IL1RAPL2: variants seen among roughly 807,000 people sequenced by gnomAD.
IL1RAPL2 encodes X-linked interleukin-1 receptor accessory protein-like 2.
A neutral mutation model predicts 44.1 loss-of-function variants in IL1RAPL2; 3 were observed. The ratio of observed to expected loss-of-function variants is 0.07; its 90% CI spans 0.03 to 0.18. IL1RAPL2 has a LOEUF of 0.18. IL1RAPL2 is among the 10% of genes least tolerant of loss of function. The probability of loss-of-function intolerance (pLI) is 1.00; values close to 1 mark genes in which losing one functional copy is unlikely to be tolerated. For missense variants in IL1RAPL2, 391 were observed against 496.4 expected (o/e 0.79, Z 2.02); for synonymous variants, 181 against 178.8 (o/e 1.01, Z -0.10).
chrX:105,372,739 T>G (rs2035353168), intron 5 of IL1RAPL2, among the ~76,000 whole-genome samples: 1 of 111,923 alleles, frequency 8.9e-6, no homozygotes, highest in Non-Finnish European at 1.9e-5. Context: ...GTATTTGGTT[T>G]TCAGTTCCTG....
intron 6 of IL1RAPL2, among the ~76,000 whole-genome samples, chrX:105,604,538 C>T (rs2037279101): frequency 9.0e-6 from 1 of 110,639 alleles, no homozygotes; most frequent in Admixed American, 9.6e-5. Flanking sequence ...AAAGAAAAGC[C>T]CAGAACCAGG....
At chrX:105,228,837 G>A (rs186761685) in intron 3 of IL1RAPL2, among the ~76,000 whole-genome samples, 69 of 111,992 alleles carry the variant, frequency 6.2e-4, no homozygotes, top group African/African-American at 2.1e-3. Context: ...ACGTCAGCTT[G>A]ACAAAGTTCT....
chrX:105,760,152 G>A (rs1220067368), intron 10 of IL1RAPL2, among the ~76,000 whole-genome samples: 3 of 111,890 alleles, frequency 2.7e-5, no homozygotes, highest in South Asian at 3.7e-4. Flanking sequence ...TCTCATCAAA[G>A]TTTGAGGTAG....
chrX:105,347,157 A>G (rs1399392575), intron 5 of IL1RAPL2, among the ~76,000 whole-genome samples: 2 of 111,830 alleles, frequency 1.8e-5, no homozygotes. Context: ...CCATGCACCC[A>G]TACCTCCAGG....
intron 2 of IL1RAPL2, among the ~76,000 whole-genome samples, chrX:105,179,879 A>T (rs1178017300): frequency 3.6e-5 from 4 of 110,392 alleles, no homozygotes; most frequent in African/African-American, 1.3e-4. Context: ...CAAATCAAAG[A>T]GTTTTAGTGG....
rs376459476 is a variant in IL1RAPL2, at chrX:105,350,930, G to GA, written c.697+83397dup. Among the ~76,000 whole-genome samples, 22 of 109,798 alleles carry GA rather than the reference G, an allele frequency of 2.0e-4. No individual in the cohort carries two copies. The East Asian group carries it at 4.3e-3, about 22-fold the overall frequency. On this transcript the variant is annotated intron_variant, in intron 5 of 10. Transcript: ENST00000372582. Reference sequence around the variant, plus strand: ...ACAAAGAACTTAAACAAATTTAAATGAAAAAAAACAACCCCATCAAAAAGT... The same window carrying GA: ...ACAAAGAACTTAAACAAATTTAAATGAAAAAAAAACAACCCCATCAAAAAGT...
At chrX:105,677,111 ACT>A (rs1043357500) in intron 6 of IL1RAPL2, among the ~76,000 whole-genome samples, 1 of 111,501 alleles carries the variant, frequency 9.0e-6, no homozygotes, top group Admixed American at 9.5e-5. Context: ...AAGACATGTT[ACT>A]CTTTCATTGG....
intron 2 of IL1RAPL2, among the ~76,000 whole-genome samples, chrX:105,176,612 A>C (rs1420938190): frequency 9.1e-6 from 1 of 110,265 alleles, no homozygotes; most frequent in Non-Finnish European, 1.9e-5. Flanking sequence ...TTGCATAAGC[A>C]CTTCCTCCTC....
At chrX:104,691,079 T>C (rs943032028) in intron 2 of IL1RAPL2, among the ~76,000 whole-genome samples, 2 of 112,060 alleles carry the variant, frequency 1.8e-5, no homozygotes, top group Admixed American at 9.5e-5. Flanking sequence ...CCAACCAAGA[T>C]CATCGGTAGA....
intron 2 of IL1RAPL2, among the ~76,000 whole-genome samples, chrX:105,158,894 C>T (rs138572837): frequency 4.5e-5 from 5 of 111,291 alleles, no homozygotes; most frequent in East Asian, 2.8e-4. Context: ...CTCGGCATTC[C>T]GCACCATACT....
At chrX:105,446,876 T>C (rs1272967686) in intron 5 of IL1RAPL2, among the ~76,000 whole-genome samples, 1 of 105,375 alleles carries the variant, frequency 9.5e-6, no homozygotes, top group Admixed American at 1.1e-4. Context: ...GCATTTACTA[T>C]CACCAGTGAG....
At chrX:104,633,364 T>C (rs1219307042) in intron 1 of IL1RAPL2, among the ~76,000 whole-genome samples, 1 of 111,608 alleles carries the variant, frequency 9.0e-6, no homozygotes, top group Non-Finnish European at 1.9e-5. Context: ...ATAAAATGAG[T>C]TAGGGAGGAT....
intron 2 of IL1RAPL2, among the ~76,000 whole-genome samples, chrX:105,106,689 T>G (rs1019980330): frequency 1.3e-4 from 14 of 111,193 alleles, no homozygotes; most frequent in African/African-American, 4.6e-4. Context: ...ATAGTCGTGC[T>G]GAGGAAAATA....
At chrX:105,713,707 G>A (rs1212887637) in intron 6 of IL1RAPL2, among the ~76,000 whole-genome samples, 1 of 111,542 alleles carries the variant, frequency 9.0e-6, no homozygotes, top group Non-Finnish European at 1.9e-5. Flanking sequence ...GGGAGAGGCT[G>A]TCTCAAAGAT....
chrX:105,078,503 C>A (rs761400473), intron 2 of IL1RAPL2, among the ~76,000 whole-genome samples: 2 of 112,510 alleles, frequency 1.8e-5, no homozygotes, highest in East Asian at 2.8e-4. Context: ...AGGAGGCAGT[C>A]TGCCCGTTCT....
intron 5 of IL1RAPL2, among the ~76,000 whole-genome samples, chrX:105,431,197 G>A (rs1175184537): frequency 1.8e-5 from 2 of 112,172 alleles, no homozygotes; most frequent in East Asian, 5.6e-4. Context: ...GGCAGGATTG[G>A]TTATGAAGGA....
rs148045143 is a variant in IL1RAPL2, at chrX:104,678,779, A to G, written c.82+19784A>G. On this transcript the variant is annotated intron_variant, in intron 2 of 10. Transcript: ENST00000372582. ...CATGGACACAAGGAGAACAAGGAGA[A>G]AACATGGACACAGGGAGGGGAACAT... is the stretch of plus-strand genomic sequence containing the variant. Among the ~76,000 whole-genome samples the G allele has an allele frequency of 7.2e-5, 8 of 111,191 alleles. No individual in the cohort carries two copies. In the East Asian group the frequency reaches 2.3e-3, roughly 32 times the overall value.
chrX:104,677,076 T>G (rs887905696), intron 2 of IL1RAPL2, among the ~76,000 whole-genome samples: 14 of 112,111 alleles, frequency 1.2e-4, no homozygotes, highest in Non-Finnish European at 2.6e-4. Context: ...TTTGATCATC[T>G]GAAGCCTTCT....
intron 2 of IL1RAPL2, among the ~76,000 whole-genome samples, chrX:104,935,257 A>G (rs969452461): frequency 1.8e-5 from 2 of 112,170 alleles, no homozygotes; most frequent in Admixed American, 9.5e-5. Flanking sequence ...CAGTTGTTTT[A>G]AATTCCATTA....
Sources: allele counts gnomAD v4.1 joint callset (sites outside exome capture counted in the v4.1 genomes callset), GRCh38; gene constraint gnomAD v4.1.1; transcripts MANE v1.5; gene names NCBI Gene and HGNC (gene_info 2026-07-23, HGNC 2026-07-21).